The following PHC2 variants were observed in gnomAD, a reference collection of about 807,000 sequenced individuals.
PHC2 encodes the protein polyhomeotic homolog 2.
Under a neutral mutation model 87.4 loss-of-function variants are expected in PHC2, and 29 were observed. The ratio of observed to expected loss-of-function variants is 0.33; its 90% CI spans 0.25 to 0.45. The LOEUF is 0.45. Ranked by LOEUF, PHC2 falls within the 20% of genes least tolerant of loss-of-function variation. The pLI, the probability that PHC2 is intolerant of heterozygous loss-of-function variation, is 1.00. For synonymous variants in PHC2, 438 were observed against 461.7 expected, an observed-to-expected ratio of 0.95 and a Z score of 0.66; for missense variants, 857 against 1,136.7, an observed-to-expected ratio of 0.75 and a Z score of 3.54.
intron 9 of PHC2, among the ~76,000 whole-genome samples, chr1:33,343,306 CAAA>C (rs559042047): frequency 2.2e-5 from 3 of 138,056 alleles, no homozygotes; most frequent in African/African-American, 7.8e-5. Flanking sequence ...AGTAAAAATA[CAAA>C]AAAAAAAATA....
chr1:33,326,812 T>G (rs1324021433), intron 14 of PHC2, among the ~76,000 whole-genome samples: 2 of 152,030 alleles, frequency 1.3e-5, no homozygotes. Flanking sequence ...ATTAGCTGTG[T>G]GTGGTGGCGA....
At position 33,334,023 on chromosome 1, in the gene PHC2, G is replaced by A; in HGVS notation, c.1761+67C>T. On this transcript the variant is annotated intron_variant, in intron 10 of 14. Coordinates refer to ENST00000683057, the MANE Select transcript of PHC2 (RefSeq NM_001385109.1). This position sits in a 1 kb window ranked among gnomAD's most constrained non-coding sequence, Gnocchi z 5.5. ...ATTTTCAGAAATTTTACATGGAAAT[G>A]TAAAAATATTCTAAGACACATCCAA... is the stretch of plus-strand genomic sequence containing the variant. The A allele has an allele frequency of 2.9e-6, 4 of 1,372,374 alleles. No individual in the cohort carries two copies. The highest frequency in any genetic ancestry group is 2.0e-6 in the Non-Finnish European group (2 of 988,172). 85.0% of individuals were successfully genotyped at this position (1,372,374 alleles called of 1,614,324 possible). A position where few individuals can be genotyped will look rare whatever the true frequency, so the allele number is the denominator to read the frequency against.
chr1:33,408,631 T>G (rs553027783), intron 1 of PHC2, among the ~76,000 whole-genome samples: 45 of 152,152 alleles, frequency 3.0e-4, no homozygotes, highest in African/African-American at 1.1e-3. Flanking sequence ...CGGCTAATTT[T>G]TTTGTTTGTT....
chr1:33,430,487 G>A (rs1478513416), intron 1 of PHC2, among the ~76,000 whole-genome samples: 2 of 152,028 alleles, frequency 1.3e-5, no homozygotes, highest in Admixed American at 6.5e-5. Context: ...CAGGCCCGAC[G>A]CCCGGGTCTC....
At chr1:33,354,701 C>T in intron 8 of PHC2, 135 bp from the exon 9 acceptor site, 1 of 1,299,372 alleles carries the variant, frequency 7.7e-7, no homozygotes, top group Non-Finnish European at 1.1e-6. Flanking sequence ...TGGGGAAGGC[C>T]CTCTCTTCCT....
rs150980242 is a variant in PHC2 at position 33,367,164 on chromosome 1, G to C, written c.928C>G (p.Leu310Val). 5.0e-4 allele frequency: 803 copies of C among 1,614,012 alleles called. 1 individual carries two copies. Among genetic ancestry groups the C allele is most frequent in the Non-Finnish European group, 6.3e-4 (747 of 1,179,946 alleles). ...GCCACAGCAGGAACCGTCCGGCTGAGCCCAGCCCGGCCTTCCATGCTCCCT... is the reference window on the plus strand; with the variant it reads ...GCCACAGCAGGAACCGTCCGGCTGACCCCAGCCCGGCCTTCCATGCTCCCT... ...VPGSMEGRAGLSRTVPAVAAH... is the reference protein window; with the variant it reads ...VPGSMEGRAGVSRTVPAVAAH... Residue 310 changes from leucine (L) to valine (V), a missense_variant, in exon 7 of 15, where the codon CTC becomes GTC. Transcript: ENST00000683057.
intron 2 of PHC2, among the ~76,000 whole-genome samples, chr1:33,373,074 T>C (rs1647955540): frequency 1.3e-5 from 2 of 152,174 alleles, no homozygotes; most frequent in African/African-American, 4.8e-5. Context: ...GTCTGGGCCT[T>C]ACAGAGCAGG....
At chr1:33,357,760 A>C (rs1054020847) in intron 7 of PHC2, among the ~76,000 whole-genome samples, 4 of 152,234 alleles carry the variant, frequency 2.6e-5, no homozygotes, top group Non-Finnish European at 4.4e-5. Context: ...GACACTGAAG[A>C]GGCCACACAG....
intron 1 of PHC2, among the ~76,000 whole-genome samples, chr1:33,416,394 C>T (rs569390766): frequency 6.7e-6 from 1 of 149,210 alleles, no homozygotes; most frequent in African/African-American, 2.5e-5. Context: ...GGTGAAACCC[C>T]GTCTCTACTA....
At chr1:33,390,132 G>C (rs1362088280) in intron 1 of PHC2, among the ~76,000 whole-genome samples, 1 of 152,120 alleles carries the variant, frequency 6.6e-6, no homozygotes, top group Non-Finnish European at 1.5e-5. Context: ...CGGTGGAGGG[G>C]TTCAAGCAGA....
rs114871084 is a variant in PHC2 at position 33,427,234 on chromosome 1, G to T, written c.-55+3742C>A. 4.2e-3 allele frequency among the ~76,000 whole-genome samples: 640 copies of T among 152,298 alleles called. 9 individuals are homozygous for T. Among genetic ancestry groups the T allele is most frequent in the African/African-American group, 0.015 (611 of 41,554 alleles). On this transcript the variant is annotated intron_variant, in intron 1 of 14. Coordinates refer to ENST00000683057, the MANE Select transcript of PHC2 (RefSeq NM_001385109.1). ...AGAATGTATACAAAGAGCTTAGCAC[G>T]ATGCCTAGCACATAGTGAGCACTCA...
chr1:33,371,547 G>A (rs745672350), intron 3 of PHC2, among the ~76,000 whole-genome samples: 24 of 151,794 alleles, frequency 1.6e-4, no homozygotes, highest in Non-Finnish European at 3.1e-4. Flanking sequence ...CCCAGCCACC[G>A]CCCCCCACAG....
At chr1:33,419,564 C>T (rs1466312550) in intron 1 of PHC2, among the ~76,000 whole-genome samples, 3 of 152,130 alleles carry the variant, frequency 2.0e-5, no homozygotes. Context: ...GATATAACCT[C>T]CATGTCCATT....
chr1:33,328,749 C>A, intron 14 of PHC2, 121 bp downstream of exon 14: 1 of 904,372 alleles, frequency 1.1e-6, no homozygotes, highest in Non-Finnish European at 1.7e-6. Flanking sequence ...CTCATTTCTG[C>A]ACCCCAGTTC....
intron 1 of PHC2, among the ~76,000 whole-genome samples, chr1:33,383,345 T>G (rs1197312187): frequency 6.6e-6 from 1 of 152,108 alleles, no homozygotes; most frequent in African/African-American, 2.4e-5. Context: ...GAAACCAAAG[T>G]AAGTAAATGA....
chr1:33,335,996 G>GTTGT (rs747951027), intron 9 of PHC2, among the ~76,000 whole-genome samples: 4 of 146,484 alleles, frequency 2.7e-5, no homozygotes, highest in African/African-American at 9.9e-5. Context: ...TGTTGTTGTT[G>GTTGT]TTTTTTTTTT....
chr1:33,347,704 T>C (rs1646870835), intron 9 of PHC2: 5 of 985,358 alleles, frequency 5.1e-6, no homozygotes, highest in Non-Finnish European at 6.0e-6. Flanking sequence ...TGTCTATTCT[T>C]CCCTGTGTGC....
chr1:33,337,402 T>G (rs990354956), intron 9 of PHC2, among the ~76,000 whole-genome samples: 11 of 152,230 alleles, frequency 7.2e-5, no homozygotes. Context: ...GTTATCCTCG[T>G]TCTGTTCCTT....
chr1:33,399,460 C>G (rs551162669), intron 1 of PHC2, among the ~76,000 whole-genome samples: 2 of 152,162 alleles, frequency 1.3e-5, no homozygotes, highest in South Asian at 2.1e-4. Flanking sequence ...CTTGGCTCCA[C>G]GTTTTCCTGT....
Sources: allele counts gnomAD v4.1 joint callset (sites outside exome capture counted in the v4.1 genomes callset), GRCh38; gene constraint gnomAD v4.1.1; non-coding constraint Gnocchi (gnomAD v3.1); transcripts MANE v1.5; gene names NCBI Gene and HGNC (gene_info 2026-07-23, HGNC 2026-07-21).